CFAP20: variants seen among roughly 807,000 people sequenced by gnomAD.
CFAP20 encodes the protein cilia- and flagella-associated protein 20.
CFAP20 carries 14 observed loss-of-function variants against 25.5 expected under a neutral mutation model. That is an observed-to-expected ratio of 0.55 (90% confidence interval 0.36 to 0.86). The LOEUF (loss-of-function observed/expected upper bound fraction) is 0.86. CFAP20 is among the 40% of genes least tolerant of loss of function. The pLI, the probability that CFAP20 is intolerant of heterozygous loss-of-function variation, is 0.01. For synonymous variants in CFAP20, 75 were observed against 91.1 expected, an observed-to-expected ratio of 0.82 and a Z score of 1.01; for missense variants, 181 against 248.0, an observed-to-expected ratio of 0.73 and a Z score of 1.81.
chr16:58,123,461 T>C (rs1031896399), intron 1 of CFAP20, among the ~76,000 whole-genome samples: 2 of 148,292 alleles, frequency 1.3e-5, no homozygotes, highest in African/African-American at 4.9e-5. Context: ...CTGGGCGTGG[T>C]GGCGGGCGCC....
At chr16:58,116,259 A>T in intron 2 of CFAP20, 107 bp from the exon 3 acceptor site, 1 of 768,606 alleles carries the variant, frequency 1.3e-6, no homozygotes, top group Admixed American at 2.6e-5. Flanking sequence ...AGCAGATCTA[A>T]AAGATTCAGA....
At chr16:58,125,739 A>G (rs1029059473) in intron 1 of CFAP20, among the ~76,000 whole-genome samples, 3 of 152,254 alleles carry the variant, frequency 2.0e-5, no homozygotes, top group Non-Finnish European at 4.4e-5. Flanking sequence ...ATAAGCCAGT[A>G]ACATAGTCAT....
In CFAP20 at chr16:58,113,636, AGTAT is replaced by A. The variant is rs1960413092; in HGVS notation, c.*385_*388del. ...TCACTTTATTCATTTCCAGATTATG[AGTAT>A]GACACAGCATATACATATATTTAGA... On this transcript the variant is annotated 3_prime_UTR_variant, in exon 6 of 6. Coordinates refer to ENST00000262498, the MANE Select transcript of CFAP20 (RefSeq NM_013242.3). 6.0e-6 allele frequency: 1 copy of A among 165,532 alleles called. No homozygotes were observed. The highest frequency in any genetic ancestry group is 2.4e-5 in the African/African-American group (1 of 42,044). 10.3% of individuals were successfully genotyped at this position (165,532 alleles called of 1,614,324 possible).
At chr16:58,128,764 G>C (rs1171593248) in intron 1 of CFAP20, among the ~76,000 whole-genome samples, 3 of 152,046 alleles carry the variant, frequency 2.0e-5, no homozygotes, top group Non-Finnish European at 4.4e-5. Flanking sequence ...CAGCAGCGAG[G>C]GTCGCGGTCC....
At chr16:58,123,406 C>A (rs1444191414) in intron 1 of CFAP20, among the ~76,000 whole-genome samples, 1 of 148,602 alleles carries the variant, frequency 6.7e-6, no homozygotes, top group Non-Finnish European at 1.5e-5. Flanking sequence ...ACCATCCTGG[C>A]TAACACGGTG....
chr16:58,129,192 G>A lies in CFAP20; in HGVS notation c.-77C>T, dbSNP rs3743574. On this transcript the variant is annotated 5_prime_UTR_variant, in exon 1 of 6. Coordinates refer to ENST00000262498, the MANE Select transcript of CFAP20 (RefSeq NM_013242.3). ...AGTAGATACAGGCACCGAGCGTCGAGGGCACAGCAGCAGGCCGGCCCTGTT... is the reference window on the plus strand; with the variant it reads ...AGTAGATACAGGCACCGAGCGTCGAAGGCACAGCAGCAGGCCGGCCCTGTT... 0.037 allele frequency: 55,042 copies of A among 1,498,302 alleles called. 1,248 individuals carry two copies. The highest frequency in any genetic ancestry group is 0.1 in the East Asian group (4,401 of 42,530). 92.8% of individuals were successfully genotyped at this position (1,498,302 alleles called of 1,614,324 possible).
In CFAP20 at chr16:58,129,062, G is replaced by A. The variant is rs762413507; in HGVS notation, c.54C>T (p.Gly18=). 2.5e-6 allele frequency: 4 copies of A among 1,613,484 alleles called. No individual in the cohort carries two copies. The highest frequency in any genetic ancestry group is 3.4e-6 in the Non-Finnish European group (4 of 1,179,886). Residue 18 remains glycine, a synonymous_variant, in exon 1 of 6, where the codon GGC becomes GGT. Coordinates refer to ENST00000262498, the MANE Select transcript of CFAP20 (RefSeq NM_013242.3). ...SGFLSILYSI[G]SKPLQIWDKK... ...TGTCCCAGATTTGCAGAGGCTTGCTGCCGATGCTGTAGAGGATGGAGAGGA... is the reference window on the plus strand; with the variant it reads ...TGTCCCAGATTTGCAGAGGCTTGCTACCGATGCTGTAGAGGATGGAGAGGA...
intron 5 of CFAP20, among the ~76,000 whole-genome samples, chr16:58,114,327 A>G (rs1406862177): frequency 1.3e-5 from 2 of 152,192 alleles, no homozygotes; most frequent in African/African-American, 4.8e-5. Context: ...CAGGAGTTTG[A>G]GACCAGCCTG....
At position 58,113,908 on chromosome 16, in the gene CFAP20, A is replaced by G. The variant is rs1292781043; in HGVS notation, c.*117T>C. ...ATGACAAGCAACACCAAGTATAAAT[A>G]ACAGAACTACAGCAGAGCAAACTAA... On this transcript the variant is annotated 3_prime_UTR_variant, in exon 6 of 6. Transcript: ENST00000262498. 1 of 1,226,426 alleles carries G rather than the reference A, an allele frequency of 8.2e-7. No homozygotes were observed. Among genetic ancestry groups the G allele is most frequent in the Non-Finnish European group, 1.2e-6 (1 of 833,880 alleles). The allele number at this position is 1,226,426 out of a possible 1,614,324, so 76.0% of individuals were successfully genotyped here.
At chr16:58,120,182 A>G (rs929236366) in intron 1 of CFAP20, among the ~76,000 whole-genome samples, 3 of 152,270 alleles carry the variant, frequency 2.0e-5, no homozygotes, top group African/African-American at 7.2e-5. Context: ...TTCCAACAAG[A>G]TGCAAACACT....
chr16:58,119,556 A>G (rs918386789), intron 1 of CFAP20, among the ~76,000 whole-genome samples: 6 of 152,252 alleles, frequency 3.9e-5, no homozygotes, highest in African/African-American at 1.4e-4. Flanking sequence ...TGTCAGAGAC[A>G]GAATACTGGG....
chr16:58,116,427 G>A (rs1960458759), intron 2 of CFAP20: 1 of 339,428 alleles, frequency 2.9e-6, no homozygotes, highest in African/African-American at 2.1e-5. Context: ...AGTGAGAGAA[G>A]ACCTCAATTC....
chr16:58,118,512 GA>G (rs199511853), intron 1 of CFAP20, among the ~76,000 whole-genome samples: 67 of 121,052 alleles, frequency 5.5e-4, no homozygotes, highest in African/African-American at 9.7e-4. Flanking sequence ...AACAAAAAAC[GA>G]AAAAAAAAAA....
At chr16:58,115,586 A>T in intron 3 of CFAP20, 129 bp from the exon 4 acceptor site, 1 of 1,111,692 alleles carries the variant, frequency 9.0e-7, no homozygotes, top group Non-Finnish European at 1.3e-6. Context: ...AAATAAACAG[A>T]CCAGACACAG....
chr16:58,122,014 A>G (rs1960540360), intron 1 of CFAP20, among the ~76,000 whole-genome samples: 1 of 152,236 alleles, frequency 6.6e-6, no homozygotes, highest in Non-Finnish European at 1.5e-5. Flanking sequence ...TTAAACCATT[A>G]GAGCTGTCCA....
intron 1 of CFAP20, among the ~76,000 whole-genome samples, chr16:58,125,906 C>T (rs1054167230): frequency 6.6e-6 from 1 of 152,136 alleles, no homozygotes; most frequent in African/African-American, 2.4e-5. Context: ...AATTTTTCAG[C>T]TCCATGATAA....
At chr16:58,117,226 C>A in intron 1 of CFAP20, 1 of 474,776 alleles carries the variant, frequency 2.1e-6, no homozygotes, top group East Asian at 3.5e-5. Flanking sequence ...TGAATGCCTA[C>A]TATGCACCAG....
At chr16:58,120,952 A>G (rs185406900) in intron 1 of CFAP20, among the ~76,000 whole-genome samples, 1 of 152,354 alleles carries the variant, frequency 6.6e-6, no homozygotes. Flanking sequence ...AATCAAATTA[A>G]GTGGATTTGT....
At chr16:58,115,242 G>C in intron 4 of CFAP20, 27 bp downstream of exon 4, 1 of 1,613,762 alleles carries the variant, frequency 6.2e-7, no homozygotes, top group Non-Finnish European at 8.5e-7. Context: ...CCCCAACCCA[G>C]GGCTCTATCT....
Sources: allele counts gnomAD v4.1 joint callset (sites outside exome capture counted in the v4.1 genomes callset), GRCh38; gene constraint gnomAD v4.1.1; transcripts MANE v1.5; gene names NCBI Gene and HGNC (gene_info 2026-07-23, HGNC 2026-07-21).